NPEPL1: variants seen among roughly 807,000 people sequenced by gnomAD.
NPEPL1 encodes aminopeptidase like 1, also known as probable aminopeptidase NPEPL1.
Under a neutral mutation model 52.4 loss-of-function variants are expected in NPEPL1, and 45 were observed. That is an observed-to-expected ratio of 0.86 (90% CI 0.68 to 1.10). NPEPL1 has a LOEUF of 1.10. NPEPL1 is among the 50% of genes least tolerant of loss of function. NPEPL1 has a pLI of 0.00. For synonymous variants in NPEPL1, 360 were observed against 314.7 expected (o/e 1.14, Z -1.52); for missense variants, 696 against 710.9 (o/e 0.98, Z 0.24).
chr20:58,694,291 TG>T (rs1336046961), intron 2 of NPEPL1, 130 bp from the exon 3 acceptor site: 1 of 915,994 alleles, frequency 1.1e-6, no homozygotes, highest in East Asian at 2.6e-5. Context: ...GGGTGGCGGC[TG>T]CTGTGGGACA....
At chr20:58,712,137 GACGCGGCTGCTGGCC>G (rs1232721295) in intron 7 of NPEPL1, among the ~76,000 whole-genome samples, 1 of 152,110 alleles carries the variant, frequency 6.6e-6, no homozygotes, top group Non-Finnish European at 1.5e-5. Context: ...GTATTGAGGG[GACGCGGCTGCTGGCC>G]ACCTTCTGTC....
In NPEPL1 at chr20:58,715,293, G is replaced by A; in HGVS notation, c.1539G>A (p.Leu513=). 6.2e-7 allele frequency: 1 copy of A among 1,610,804 alleles called. No homozygotes were observed. Among genetic ancestry groups the A allele is most frequent in the South Asian group, 1.1e-5 (1 of 90,504 alleles). Residue 513 remains leucine (L), a synonymous_variant, in exon 12 of 12, where the codon CTG becomes CTA. Transcript: ENST00000356091. ...AGGTGGATGTCGAGGAGGGGGACCT[G>A]GGGAGGGACTCCAAGAGACGCAGGC... ...GCEVDVEEGD[L]GRDSKRRRLV
At chr20:58,696,244 C>T (rs1000488009) in intron 3 of NPEPL1, among the ~76,000 whole-genome samples, 3 of 151,928 alleles carry the variant, frequency 2.0e-5, no homozygotes, top group Non-Finnish European at 4.4e-5. Flanking sequence ...CCTGCTCTTG[C>T]TCCTCTGCAG....
Position 58,713,371 on chromosome 20 carries a change from G to T in NPEPL1, c.1002-49G>T, listed in dbSNP as rs1228541706. On this transcript the variant is annotated intron_variant, in intron 8 of 11. Transcript: ENST00000356091. This position sits in a 1 kb window ranked among gnomAD's most constrained non-coding sequence, Gnocchi z 4.6. ...CCCAGTTTCAAAGGGGCTCATGCCA[G>T]TGTCCCAGGAAATCCCGTCCCTGAG... The T allele has an allele frequency of 6.5e-7, 1 of 1,537,020 alleles. No individual in the cohort carries two copies. The highest frequency in any genetic ancestry group is 8.8e-7 in the Non-Finnish European group (1 of 1,135,010).
intron 3 of NPEPL1, among the ~76,000 whole-genome samples, chr20:58,695,581 T>G (rs892394946): frequency 2.0e-5 from 3 of 152,054 alleles, no homozygotes; most frequent in African/African-American, 7.2e-5. Flanking sequence ...CAGCGCTCAT[T>G]CTTCACTTCT....
intron 7 of NPEPL1, among the ~76,000 whole-genome samples, chr20:58,707,761 G>C (rs1365444289): frequency 6.6e-6 from 1 of 152,196 alleles, no homozygotes; most frequent in Admixed American, 6.5e-5. Context: ...ATGGAGCCCA[G>C]ATGTCCCTGG....
intron 5 of NPEPL1, among the ~76,000 whole-genome samples, chr20:58,699,880 A>G (rs2084578097): frequency 6.6e-6 from 1 of 152,180 alleles, no homozygotes; most frequent in East Asian, 1.9e-4. Context: ...AATCACTCGG[A>G]AGATAGCAGC....
At chr20:58,700,627 G>A (rs997084176) in intron 5 of NPEPL1, among the ~76,000 whole-genome samples, 7 of 152,256 alleles carry the variant, frequency 4.6e-5, no homozygotes, top group Non-Finnish European at 1.0e-4. Context: ...GTGTGAAAGG[G>A]CGGTGCAGTC....
intron 6 of NPEPL1, chr20:58,704,359 C>G (rs1435867976): frequency 2.0e-6 from 2 of 985,310 alleles, no homozygotes; most frequent in Non-Finnish European, 2.4e-6. Context: ...TAGCAGGCCT[C>G]AAATGCATTA....
chr20:58,708,002 T>A (rs2084770027), intron 7 of NPEPL1, among the ~76,000 whole-genome samples: 1 of 152,174 alleles, frequency 6.6e-6, no homozygotes, highest in Admixed American at 6.5e-5. Flanking sequence ...GAGGATCGAT[T>A]GAGCCCGGGA....
At position 58,693,784 on chromosome 20, in the gene NPEPL1, C is replaced by G. The variant is rs760469794; in HGVS notation, c.198C>G (p.Ser66Arg). 12 of 1,613,804 alleles carry G rather than the reference C, an allele frequency of 7.4e-6. No homozygotes were observed. The East Asian group carries it at 2.5e-4, about 33-fold the overall frequency. Reference protein sequence around the residue: ...LSTLNPNPTDSCPLYLNYATV... With the variant: ...LSTLNPNPTDRCPLYLNYATV... The stretch of plus-strand genomic sequence containing the variant: ...CGCTCAACCCCAACCCCACGGACAG[C>G]TGTCCCCTCTACCTGAACTACGCCA... Residue 66 changes from serine to arginine, a missense_variant, in exon 2 of 12, where the codon AGC becomes AGG. Ser to Arg is a moderately radical substitution (Grantham distance 110). Transcript: ENST00000356091.
chr20:58,707,420 A>G (rs1441350182), intron 7 of NPEPL1, among the ~76,000 whole-genome samples: 1 of 152,182 alleles, frequency 6.6e-6, no homozygotes, highest in African/African-American at 2.4e-5. Context: ...AGGTGCAGCC[A>G]TGTTCTCTGC....
In NPEPL1 at chr20:58,715,338, C is replaced by T. The variant is rs1261892227; in HGVS notation, c.*12C>T. ...GCAGGCTTGTGTGAGCCTCCTGCCT[C>T]GGCCCTGACAAACGGGGATCTTTTA... On this transcript the variant is annotated 3_prime_UTR_variant, in exon 12 of 12. Coordinates refer to ENST00000356091, the MANE Select transcript of NPEPL1 (RefSeq NM_024663.4). 7.5e-6 allele frequency: 12 copies of T among 1,590,028 alleles called. No homozygotes were observed. Among genetic ancestry groups the T allele is most frequent in the East Asian group, 6.8e-5 (3 of 44,274 alleles).
In NPEPL1 at chr20:58,698,697, C is replaced by T. The variant is rs1408997785; in HGVS notation, c.521C>T (p.Ala174Val). The T allele has an allele frequency of 6.2e-7, 1 of 1,612,706 alleles. No individual in the cohort carries two copies. Residue 174 changes from alanine to valine, a missense_variant, in exon 4 of 12, where the codon GCC becomes GTC. By Grantham distance (64) the Ala-to-Val change is moderately conservative. Coordinates refer to ENST00000356091, the MANE Select transcript of NPEPL1 (RefSeq NM_024663.4). ...EVSTLQCLAN[A>V]TDGVRLAARI... is the part of the protein sequence containing the mutation. ...TTTTCTCCCTAGTGCTTAGCGAATG[C>T]CACAGACGGCGTGCGGCTAGCAGCC...
upstream of NPEPL1, chr20:58,691,787 G>C (rs1271739988): frequency 6.5e-7 from 1 of 1,541,490 alleles, no homozygotes. Context: ...GGAGGTAACA[G>C]AGGAGGGTAC....
rs375972035 is a variant in NPEPL1 at position 58,698,770 on chromosome 20, C to T, written c.594C>T (p.Leu198=). 197 of 1,612,196 alleles carry T rather than the reference C, an allele frequency of 1.2e-4. No homozygotes were observed. Among genetic ancestry groups the T allele is most frequent in the African/African-American group, 1.7e-4 (13 of 75,028 alleles). The change falls in exon 4 of 12, where the codon CTC becomes CTT. Residue 198 remains leucine, a synonymous_variant. Transcript: ENST00000356091. The stretch of plus-strand genomic sequence containing the variant: ...ATGAGATGAACACCGACACCTTCCT[C>T]GAGGTTTGTGGCGTCATCAGGCCGG... ...PCNEMNTDTF[L]EEINKVGKEL... is the part of the protein sequence containing the mutation.
At chr20:58,709,950 C>G (rs367649103) in intron 7 of NPEPL1, among the ~76,000 whole-genome samples, 1 of 152,010 alleles carries the variant, frequency 6.6e-6, no homozygotes, top group Admixed American at 6.5e-5. Context: ...ATTACTACCC[C>G]CTGCTGCCCA....
chr20:58,691,002 T>C (rs913776582), upstream of NPEPL1: 11 of 677,946 alleles, frequency 1.6e-5, no homozygotes, highest in Non-Finnish European at 2.7e-5. Flanking sequence ...CAGAGCCTGC[T>C]GGACATATTC....
chr20:58,714,822 A>C (rs2084922099), intron 11 of NPEPL1, 152 bp downstream of exon 11: 2 of 660,178 alleles, frequency 3.0e-6, no homozygotes, highest in Non-Finnish European at 5.2e-6. Flanking sequence ...CCCAGGTCTC[A>C]TCCTCCCTGG....
Sources: allele counts gnomAD v4.1 joint callset (sites outside exome capture counted in the v4.1 genomes callset), GRCh38; gene constraint gnomAD v4.1.1; non-coding constraint Gnocchi (gnomAD v3.1); transcripts MANE v1.5; gene names NCBI Gene and HGNC (gene_info 2026-07-23, HGNC 2026-07-21).